Variants in NFATC2 observed in about 807,000 individuals in gnomAD.
NFATC2 encodes the protein nuclear factor of activated T-cells, cytoplasmic 2.
NFATC2 carries 22 observed loss-of-function variants against 87.3 expected under a neutral mutation model. The observed-to-expected ratio is 0.25, with a 90% CI of 0.18 to 0.36. NFATC2 has a LOEUF of 0.36. Ranked by LOEUF, NFATC2 falls within the 10% of genes least tolerant of loss-of-function variation. The pLI is 1.00. For missense variants in NFATC2, 1,149 were observed against 1,259.1 expected (o/e 0.91, Z 1.32); for synonymous variants, 565 against 542.2 (o/e 1.04, Z -0.58).
intron 6 of NFATC2, among the ~76,000 whole-genome samples, chr20:51,448,368 G>A (rs1985343201): frequency 6.6e-6 from 1 of 152,178 alleles, no homozygotes; most frequent in Non-Finnish European, 1.5e-5. Flanking sequence ...GAGGCCGGAC[G>A]CAGTGGCTCG....
Position 51,454,705 on chromosome 20 carries a change from G to A in NFATC2, c.1709-17C>T. ...ATCGCTGGGCTGCAGGCAAAAGAGA[G>A]AGAAGTCACTGTGATAAGGGGAGAT... is the stretch of plus-strand genomic sequence containing the variant. On this transcript the variant is annotated splice_polypyrimidine_tract_variant and intron_variant, in intron 5 of 10. Transcript: ENST00000371564. The A allele has an allele frequency of 6.2e-7, 1 of 1,613,452 alleles. No individual in the cohort carries two copies. Among genetic ancestry groups the A allele is most frequent in the Non-Finnish European group, 8.5e-7 (1 of 1,179,818 alleles).
intron 1 of NFATC2, among the ~76,000 whole-genome samples, chr20:51,561,550 A>G (rs1186337627): frequency 6.6e-6 from 1 of 151,598 alleles, no homozygotes; most frequent in Non-Finnish European, 1.5e-5. Context: ...AGGTTTATTT[A>G]CTGAAATTGT....
At chr20:51,490,840 C>G (rs2075869978) in intron 3 of NFATC2, among the ~76,000 whole-genome samples, 1 of 152,158 alleles carries the variant, frequency 6.6e-6, no homozygotes, top group South Asian at 2.1e-4. Context: ...CAACATTAAT[C>G]AACATGCTCC....
rs1197057195 is a variant in NFATC2, at chr20:51,389,146, G to T, written c.*2350C>A. The T allele has an allele frequency of 2.6e-5, 4 of 152,050 alleles. No individual in the cohort carries two copies. Among genetic ancestry groups the T allele is most frequent in the African/African-American group, 7.3e-5 (3 of 41,352 alleles). 9.4% of individuals were successfully genotyped at this position (152,050 alleles called of 1,614,324 possible). ...CTTAGAAAAACAGAGGGGTTTATTT[G>T]TGTGTGTATTACACACACACACGCG... On this transcript the variant is annotated 3_prime_UTR_variant, in exon 11 of 11. Coordinates refer to ENST00000371564, the MANE Select transcript of NFATC2 (RefSeq NM_012340.5).
At chr20:51,466,810 G>A (rs1028004392) in intron 5 of NFATC2, among the ~76,000 whole-genome samples, 2 of 152,176 alleles carry the variant, frequency 1.3e-5, no homozygotes, top group South Asian at 2.1e-4. Flanking sequence ...AGTGGCTCAC[G>A]TCTGTAATCC....
intron 5 of NFATC2, among the ~76,000 whole-genome samples, chr20:51,467,304 C>A (rs1374351046): frequency 6.6e-6 from 1 of 152,130 alleles, no homozygotes; most frequent in African/African-American, 2.4e-5. Context: ...CGCCCGTAAT[C>A]CCAACAGTTT....
chr20:51,440,351 A>G (rs1984164203), intron 6 of NFATC2, among the ~76,000 whole-genome samples: 1 of 152,104 alleles, frequency 6.6e-6, no homozygotes, highest in Admixed American at 6.5e-5. Flanking sequence ...ATATTCCACA[A>G]TGTGTCAATA....
intron 2 of NFATC2, among the ~76,000 whole-genome samples, chr20:51,522,193 A>G (rs898812037): frequency 2.0e-5 from 3 of 150,026 alleles, no homozygotes; most frequent in African/African-American, 7.4e-5. Flanking sequence ...ATCTCATCTA[A>G]TCCATTTTTT....
At chr20:51,394,316 C>T (rs1986733868) in intron 10 of NFATC2, among the ~76,000 whole-genome samples, 1 of 152,110 alleles carries the variant, frequency 6.6e-6, no homozygotes, top group African/African-American at 2.4e-5. Context: ...TTTGCAGACT[C>T]GAGTACCAGG....
intron 3 of NFATC2, among the ~76,000 whole-genome samples, chr20:51,488,155 G>A (rs572148984): frequency 2.6e-3 from 390 of 152,204 alleles, no homozygotes; most frequent in Non-Finnish European, 4.4e-3. Flanking sequence ...TCACTCCTCC[G>A]TTTAGTCATT....
chr20:51,391,909 C>A (rs1028355535), intron 10 of NFATC2, among the ~76,000 whole-genome samples: 2 of 152,048 alleles, frequency 1.3e-5, no homozygotes, highest in Non-Finnish European at 2.9e-5. Flanking sequence ...ATCATATTTT[C>A]TTCAGGCAAT....
intron 1 of NFATC2, among the ~76,000 whole-genome samples, chr20:51,552,476 T>A (rs113584347): frequency 3.3e-5 from 5 of 152,296 alleles, no homozygotes; most frequent in African/African-American, 1.2e-4. Context: ...TGACTTGCAC[T>A]CCAATCTATC....
chr20:51,454,564 A>G lies in NFATC2; in HGVS notation c.1833T>C (p.Phe611=), dbSNP rs1257919891. ...QNFTSESKVV[F]TEKTTDGQQI... ...TCCACTGACCTGTGGTCTTCTCAGT[A>G]AACACAACTTTGGACTCGGATGTAA... Residue 611 remains phenylalanine (F), a synonymous_variant, in exon 6 of 11, where the codon TTT becomes TTC. Coordinates refer to ENST00000371564, the MANE Select transcript of NFATC2 (RefSeq NM_012340.5). 2 of 1,614,076 alleles carry G rather than the reference A, an allele frequency of 1.2e-6. No individual in the cohort carries two copies. The highest frequency in any genetic ancestry group is 3.3e-5 in the Admixed American group (2 of 60,030).
rs562811653 is a variant in NFATC2, at chr20:51,554,996, C to T, written c.70+7564G>A. 6.3e-4 allele frequency among the ~76,000 whole-genome samples: 96 copies of T among 152,264 alleles called. 1 individual carries two copies. The highest frequency in any genetic ancestry group is 1.2e-3 in the Non-Finnish European group (79 of 68,012). On this transcript the variant is annotated intron_variant, in intron 1 of 10. Coordinates refer to the NFATC2 transcript ENST00000414705. ...AAGCCAGGGACCATCCCTGTGGAAC[C>T]CTGGGGCTCGAGGGAACACAGTTTG...
intron 9 of NFATC2, among the ~76,000 whole-genome samples, chr20:51,401,768 G>C (rs1988072059): frequency 1.3e-5 from 2 of 152,076 alleles, no homozygotes; most frequent in African/African-American, 2.4e-5. Flanking sequence ...TGATCCTATG[G>C]ACTAGGTGAT....
At chr20:51,435,825 AACTC>A (rs1482808793) in intron 6 of NFATC2, 64 bp from the exon 7 acceptor site, 1 of 1,344,144 alleles carries the variant, frequency 7.4e-7, no homozygotes, top group East Asian at 2.5e-5. Flanking sequence ...TTAAGACAAA[AACTC>A]ACCAACTTCT....
At chr20:51,473,866 C>G in intron 5 of NFATC2, 114 bp downstream of exon 5, 1 of 1,089,518 alleles carries the variant, frequency 9.2e-7, no homozygotes, top group East Asian at 2.5e-5. Flanking sequence ...CCTGTGGGTC[C>G]CACACATTCC....
At chr20:51,439,336 C>G (rs969650883) in intron 6 of NFATC2, among the ~76,000 whole-genome samples, 4 of 152,362 alleles carry the variant, frequency 2.6e-5, no homozygotes, top group African/African-American at 9.6e-5. Context: ...ACACCAGGCA[C>G]AGAGAGGCAA....
upstream of NFATC2, among the ~76,000 whole-genome samples, chr20:51,542,907 C>G (rs1301024818): frequency 6.6e-6 from 1 of 152,018 alleles, no homozygotes; most frequent in Non-Finnish European, 1.5e-5. Flanking sequence ...CCCGGGCCAC[C>G]GCTGGGCGCT....
Sources: allele counts gnomAD v4.1 joint callset (sites outside exome capture counted in the v4.1 genomes callset), GRCh38; gene constraint gnomAD v4.1.1; transcripts MANE v1.5; gene names NCBI Gene and HGNC (gene_info 2026-07-23, HGNC 2026-07-21).